The following ROBO2 variants were observed in gnomAD, a reference collection of about 807,000 sequenced individuals.
The protein encoded by ROBO2 is roundabout homolog 2.
Under a neutral mutation model 160.8 loss-of-function variants are expected in ROBO2, and 53 were observed. The ratio of observed to expected loss-of-function variants is 0.33; its 90% CI spans 0.26 to 0.41. The LOEUF (loss-of-function observed/expected upper bound fraction) is 0.41, where lower values mean the gene tolerates loss of function less well. Among genes scored for constraint, ROBO2 ranks in the 10% least tolerant of loss-of-function variants. ROBO2 has a pLI of 1.00. For missense variants in ROBO2, 1,577 were observed against 1,722.4 expected, an observed-to-expected ratio of 0.92 and a Z score of 1.49; for synonymous variants, 664 against 611.7, an observed-to-expected ratio of 1.09 and a Z score of -1.26.
chr3:76,789,541 C>G (rs1244060528), intron 2 of ROBO2, among the ~76,000 whole-genome samples: 1 of 151,480 alleles, frequency 6.6e-6, no homozygotes, highest in Non-Finnish European at 1.5e-5. Flanking sequence ...AGTTCTGTTC[C>G]CCTTCCTATT....
intron 2 of ROBO2, among the ~76,000 whole-genome samples, chr3:76,480,970 A>C (rs2079176790): frequency 6.6e-6 from 1 of 152,184 alleles, no homozygotes; most frequent in Admixed American, 6.6e-5. Flanking sequence ...AATTTTATAG[A>C]GATTGTATGG....
At chr3:77,341,884 T>C (rs1467651115) in intron 2 of ROBO2, among the ~76,000 whole-genome samples, 1 of 151,998 alleles carries the variant, frequency 6.6e-6, no homozygotes, top group Non-Finnish European at 1.5e-5. Context: ...GTTCTTTTCA[T>C]GTTGGCATTT....
rs115343865 is a variant in ROBO2, at chr3:77,465,945, G to T, written c.389-11469G>T. 5.4e-3 allele frequency among the ~76,000 whole-genome samples: 815 copies of T among 152,236 alleles called. 6 individuals are homozygous for T. The highest frequency in any genetic ancestry group is 0.017 in the African/African-American group (694 of 41,542). On this transcript the variant is annotated intron_variant, in intron 2 of 25. Transcript: ENST00000461745. ...GCATGTATAAAAAGTACTTGGATAT[G>T]CTCCTTGCTTCCTCTTCTCCTGCTG...
chr3:76,440,441 C>T (rs1467821226), intron 2 of ROBO2, among the ~76,000 whole-genome samples: 1 of 151,416 alleles, frequency 6.6e-6, no homozygotes, highest in Non-Finnish European at 1.5e-5. Context: ...TGATGTTCCC[C>T]TCCCTGTAAA....
At chr3:77,053,567 A>G (rs534465447) in intron 1 of ROBO2, among the ~76,000 whole-genome samples, 2 of 152,184 alleles carry the variant, frequency 1.3e-5, no homozygotes, top group African/African-American at 4.8e-5. Flanking sequence ...TGATGTCTCA[A>G]GATCAGCTTT....
chr3:76,617,563 A>G (rs377320411), intron 2 of ROBO2, among the ~76,000 whole-genome samples: 39 of 152,268 alleles, frequency 2.6e-4, no homozygotes, highest in East Asian at 1.9e-3. Flanking sequence ...TTCAATAATT[A>G]GTAGAATTTG....
chr3:76,603,341 AAAAAAAAAAAATAT>A (rs1444031799), intron 2 of ROBO2, among the ~76,000 whole-genome samples: 9 of 55,444 alleles, frequency 1.6e-4, no homozygotes, highest in East Asian at 5.2e-4. Context: ...CCAAAAAAAA[AAAAAAAAAAAATAT>A]ATATATATAT....
intron 17 of ROBO2, 47 bp from the exon 19 acceptor site, chr3:77,595,095 A>G (rs775215653): frequency 6.7e-7 from 1 of 1,486,224 alleles, no homozygotes; most frequent in Non-Finnish European, 9.4e-7. Context: ...TGTAATTAAT[A>G]TTGACTACTT....
chr3:76,774,376 G>T (rs2062101439), intron 2 of ROBO2, among the ~76,000 whole-genome samples: 1 of 150,944 alleles, frequency 6.6e-6, no homozygotes. Flanking sequence ...GTTGGGGAAA[G>T]ATCCTATCTG....
At chr3:75,939,008 G>A (rs1035479704) in intron 2 of ROBO2, among the ~76,000 whole-genome samples, 3 of 152,134 alleles carry the variant, frequency 2.0e-5, no homozygotes, top group Non-Finnish European at 4.4e-5. Flanking sequence ...GTGGCTGTAA[G>A]AGTTGTTTAT....
chr3:77,051,453 G>A (rs1260594466), intron 1 of ROBO2, among the ~76,000 whole-genome samples: 1 of 152,084 alleles, frequency 6.6e-6, no homozygotes, highest in Non-Finnish European at 1.5e-5. Context: ...TCCAGGCTGG[G>A]AATTCTTATT....
chr3:77,628,659 G>T (rs2153710930), intron 23 of ROBO2, among the ~76,000 whole-genome samples: 1 of 152,238 alleles, frequency 6.6e-6, no homozygotes, highest in Non-Finnish European at 1.5e-5. Flanking sequence ...CCATAAATAT[G>T]CCCATTCCAT....
At chr3:77,030,134 C>T (rs1021460169) in intron 2 of ROBO2, among the ~76,000 whole-genome samples, 5 of 151,926 alleles carry the variant, frequency 3.3e-5, no homozygotes, top group Non-Finnish European at 5.9e-5. Flanking sequence ...TTAGTAGAGA[C>T]GGGGTTTCAC....
intron 24 of ROBO2, among the ~76,000 whole-genome samples, chr3:77,637,600 T>G (rs1484509777): frequency 6.6e-6 from 1 of 152,208 alleles, no homozygotes; most frequent in Non-Finnish European, 1.5e-5. Flanking sequence ...AGTGTTCATC[T>G]AATTCTTCGT....
intron 2 of ROBO2, among the ~76,000 whole-genome samples, chr3:76,814,896 T>C (rs528937848): frequency 4.3e-4 from 65 of 151,628 alleles, no homozygotes; most frequent in Admixed American, 1.7e-3. Flanking sequence ...GTGTTGGGGG[T>C]GGGAGAGGAA....
At chr3:76,848,936 A>G (rs1028263708) in intron 2 of ROBO2, among the ~76,000 whole-genome samples, 1 of 152,220 alleles carries the variant, frequency 6.6e-6, no homozygotes, top group Non-Finnish European at 1.5e-5. Context: ...TTTGGCAACA[A>G]TGGATTGATA....
intron 2 of ROBO2, among the ~76,000 whole-genome samples, chr3:76,756,867 A>G (rs7609557): frequency 0.49 from 74,742 of 151,550 alleles, 19,417 homozygotes; most frequent in African/African-American, 0.67. Context: ...TTAAATTGCA[A>G]CAGCAGCAGC....
At chr3:77,059,629 A>C (rs1487565331) in intron 1 of ROBO2, among the ~76,000 whole-genome samples, 1 of 152,178 alleles carries the variant, frequency 6.6e-6, no homozygotes, top group Non-Finnish European at 1.5e-5. Context: ...GTGGGAATTT[A>C]AATTGCCAGA....
chr3:76,453,391 A>G (rs997423093), intron 2 of ROBO2, among the ~76,000 whole-genome samples: 2 of 152,232 alleles, frequency 1.3e-5, no homozygotes, highest in African/African-American at 2.4e-5. Flanking sequence ...AACTTCCTAC[A>G]TATGGCTAGC....
Sources: allele counts gnomAD v4.1 joint callset (sites outside exome capture counted in the v4.1 genomes callset), GRCh38; gene constraint gnomAD v4.1.1; transcripts MANE v1.5; gene names NCBI Gene and HGNC (gene_info 2026-07-23, HGNC 2026-07-21).